STXBP5L: variants seen among roughly 807,000 people sequenced by gnomAD.
STXBP5L encodes the protein syntaxin-binding protein 5-like.
A neutral mutation model predicts 144.5 loss-of-function variants in STXBP5L; 65 were observed. That is an observed-to-expected ratio of 0.45 (90% CI 0.37 to 0.55). The LOEUF is 0.55. Among genes scored for constraint, STXBP5L ranks in the 20% least tolerant of loss-of-function variants. The pLI is 0.00. For missense variants in STXBP5L, 1,298 were observed against 1,405.5 expected (o/e 0.92, Z 1.22); for synonymous variants, 505 against 469.6 (o/e 1.08, Z -0.97).
chr3:121,351,468 G>A (rs147339275), intron 20 of STXBP5L, among the ~76,000 whole-genome samples: 22 of 152,166 alleles, frequency 1.4e-4, no homozygotes, highest in Non-Finnish European at 1.0e-4. Context: ...CTGGGAGAAC[G>A]ACTACTCTCC....
intron 9 of STXBP5L, among the ~76,000 whole-genome samples, chr3:121,169,478 T>G (rs146036268): frequency 6.6e-6 from 1 of 151,824 alleles, no homozygotes; most frequent in Non-Finnish European, 1.5e-5. Flanking sequence ...AGGTTCAAAA[T>G]AAAGGGATGG....
intron 5 of STXBP5L, among the ~76,000 whole-genome samples, chr3:121,094,446 C>G (rs559296813): frequency 6.6e-6 from 1 of 152,012 alleles, no homozygotes; most frequent in African/African-American, 2.4e-5. Flanking sequence ...CTTTATGAGT[C>G]TGGGTGCTCC....
chr3:121,068,016 A>G (rs936389957), intron 5 of STXBP5L, among the ~76,000 whole-genome samples: 1 of 152,038 alleles, frequency 6.6e-6, no homozygotes, highest in African/African-American at 2.4e-5. Context: ...ATATTAGTCA[A>G]TTTTTCTTTT....
At chr3:121,069,826 G>T (rs899059937) in intron 5 of STXBP5L, among the ~76,000 whole-genome samples, 3 of 151,962 alleles carry the variant, frequency 2.0e-5, no homozygotes, top group Non-Finnish European at 2.9e-5. Flanking sequence ...ATGTCCAATT[G>T]CTCCAGCAGT....
Position 120,925,602 on chromosome 3 carries a change from A to G in STXBP5L, c.189+15835A>G, listed in dbSNP as rs776009098. ...GTATCTTTATCCATTCAGCCACCCT[A>G]TGCCTTTTACTTGGATAATTGAGTC... is the stretch of plus-strand genomic sequence containing the variant. On this transcript the variant is annotated intron_variant, in intron 2 of 26. Coordinates refer to ENST00000471454, the MANE Select transcript of STXBP5L (RefSeq NM_001308330.2). Among the ~76,000 whole-genome samples, 15 of 152,112 alleles carry G rather than the reference A, an allele frequency of 9.9e-5. 1 individual carries two copies. The highest frequency in any genetic ancestry group is 4.1e-4 in the South Asian group (2 of 4,826).
intron 3 of STXBP5L, among the ~76,000 whole-genome samples, chr3:120,956,116 G>A (rs1938006548): frequency 6.6e-6 from 1 of 151,894 alleles, no homozygotes; most frequent in Non-Finnish European, 1.5e-5. Context: ...ACATATTTTT[G>A]TGTGAACCTA....
At chr3:121,057,418 C>T (rs1315013179) in intron 5 of STXBP5L, among the ~76,000 whole-genome samples, 2 of 151,834 alleles carry the variant, frequency 1.3e-5, no homozygotes, top group African/African-American at 2.4e-5. Flanking sequence ...ATAACTTTGC[C>T]GTTGTGTAAC....
At chr3:121,159,181 A>G (rs2046224854) in intron 9 of STXBP5L, among the ~76,000 whole-genome samples, 1 of 151,780 alleles carries the variant, frequency 6.6e-6, no homozygotes, top group Non-Finnish European at 1.5e-5. Context: ...TATATCCTAT[A>G]AGTCTTTAAA....
chr3:121,134,522 A>G (rs2045151107), intron 7 of STXBP5L, among the ~76,000 whole-genome samples: 1 of 152,080 alleles, frequency 6.6e-6, no homozygotes, highest in Non-Finnish European at 1.5e-5. Context: ...GTCATTTAAC[A>G]TTAGGTATAT....
At chr3:120,922,407 T>A (rs543563340) in intron 2 of STXBP5L, among the ~76,000 whole-genome samples, 1 of 152,118 alleles carries the variant, frequency 6.6e-6, no homozygotes, top group Non-Finnish European at 1.5e-5. Context: ...ATATCACCTG[T>A]GAACAAGGCT....
At position 121,356,733 on chromosome 3, in the gene STXBP5L, A is replaced by G. The variant is rs1355596870; in HGVS notation, c.2177-21983A>G. ...CCACTCCCAGTGAGATGAACCAAGT[A>G]CCTCAATAGGAAATGCAGAAATCAC... is the stretch of plus-strand genomic sequence containing the variant. On this transcript the variant is annotated intron_variant, in intron 20 of 26. Coordinates refer to ENST00000471454, the MANE Select transcript of STXBP5L (RefSeq NM_001308330.2). 3.3e-5 allele frequency among the ~76,000 whole-genome samples: 5 copies of G among 152,222 alleles called. No homozygotes were observed. The East Asian group carries it at 9.6e-4, about 29-fold the overall frequency.
intron 3 of STXBP5L, among the ~76,000 whole-genome samples, chr3:120,979,225 G>C (rs1197405624): frequency 6.6e-6 from 1 of 152,188 alleles, no homozygotes; most frequent in Non-Finnish European, 1.5e-5. Flanking sequence ...CGGCTGCTTT[G>C]TTTACCTAAG....
At chr3:120,973,834 A>C in intron 3 of STXBP5L, among the ~76,000 whole-genome samples, 1 of 151,932 alleles carries the variant, frequency 6.6e-6, no homozygotes. Flanking sequence ...GAGAATGATG[A>C]TTTCCAATTT....
At position 121,022,786 on chromosome 3, in the gene STXBP5L, C is replaced by T. The variant is rs530694676; in HGVS notation, c.288-18914C>T. On this transcript the variant is annotated intron_variant, in intron 3 of 26. Coordinates refer to ENST00000471454, the MANE Select transcript of STXBP5L (RefSeq NM_001308330.2). Reference sequence around the variant, plus strand: ...AAGGTAAAGCCATCTGTGACAAACCCACAGCCAACATTATACTGAATGGGG... The same window carrying T: ...AAGGTAAAGCCATCTGTGACAAACCTACAGCCAACATTATACTGAATGGGG... Among the ~76,000 whole-genome samples, 3 of 152,224 alleles carry T rather than the reference C, an allele frequency of 2.0e-5. No individual in the cohort carries two copies. The South Asian group carries it at 6.2e-4, about 32-fold the overall frequency.
intron 5 of STXBP5L, among the ~76,000 whole-genome samples, chr3:121,057,360 T>C (rs1016106088): frequency 1.3e-5 from 2 of 152,136 alleles, no homozygotes; most frequent in South Asian, 4.1e-4. Flanking sequence ...TTTGTAAATT[T>C]TACTGAATCA....
At chr3:121,145,246 A>G (rs2045670149) in intron 7 of STXBP5L, among the ~76,000 whole-genome samples, 1 of 151,868 alleles carries the variant, frequency 6.6e-6, no homozygotes, top group African/African-American at 2.4e-5. Context: ...CCAGCACATT[A>G]AAAAATAATT....
chr3:121,282,198 T>C, intron 19 of STXBP5L: 1 of 1,489,878 alleles, frequency 6.7e-7, no homozygotes, highest in East Asian at 2.3e-5. Flanking sequence ...TCACTTCCTT[T>C]CACTTTAGAC....
intron 21 of STXBP5L, among the ~76,000 whole-genome samples, chr3:121,380,803 T>C (rs935040620): frequency 6.6e-6 from 1 of 152,066 alleles, no homozygotes; most frequent in African/African-American, 2.4e-5. Flanking sequence ...ACCCCAGATA[T>C]AGAATATGTT....
At position 121,037,242 on chromosome 3, in the gene STXBP5L, T is replaced by TC. The variant is rs781110560; in HGVS notation, c.288-4457dup. 3.3e-3 allele frequency among the ~76,000 whole-genome samples: 495 copies of TC among 151,614 alleles called. 1 individual carries two copies. The highest frequency in any genetic ancestry group is 5.0e-3 in the Non-Finnish European group (339 of 67,876). On this transcript the variant is annotated intron_variant, in intron 3 of 26. Coordinates refer to ENST00000471454, the MANE Select transcript of STXBP5L (RefSeq NM_001308330.2). The stretch of plus-strand genomic sequence containing the variant: ...GCCACCACACCTGGTTTTTTTTTTT[T>TC]CTGTCTTTTTCTTTTCTTTTTTTTT...
Sources: gnomAD v4.1 joint callset for allele counts (sites outside exome capture counted in the v4.1 genomes callset) on GRCh38, gnomAD v4.1.1 for gene constraint, MANE v1.5 for transcripts, NCBI Gene and HGNC (gene_info 2026-07-23, HGNC 2026-07-21) for gene names.